MTERF4: variants seen among roughly 807,000 people sequenced by gnomAD.
MTERF4 encodes mitochondrial transcription termination factor 4, also known as transcription termination factor 4, mitochondrial.
A neutral mutation model predicts 22.5 loss-of-function variants in MTERF4; 17 were observed. The ratio of observed to expected loss-of-function variants is 0.75; its 90% CI spans 0.52 to 1.13. The LOEUF (loss-of-function observed/expected upper bound fraction) is 1.13, where lower values mean the gene tolerates loss of function less well. Ranked by LOEUF, MTERF4 falls within the 50% of genes most tolerant of loss-of-function variation. The pLI is 0.00. For missense variants in MTERF4, 420 were observed against 466.8 expected (o/e 0.90, Z 0.92); for synonymous variants, 165 against 175.3 (o/e 0.94, Z 0.47).
At chr2:241,094,311 C>G (rs568652244), downstream of MTERF4, 123 of 470,100 alleles carry the variant, frequency 2.6e-4, no homozygotes, top group Admixed American at 7.0e-4. The surrounding 1 kb of genome is among the most constrained non-coding windows in gnomAD (Gnocchi z 4.3). Flanking sequence ...ACTCCTTCCA[C>G]TGGCAAAGGA....
At chr2:241,064,651 G>T in the MTERF4 span, among the ~76,000 whole-genome samples, 5 of 152,212 alleles carry the variant, frequency 3.3e-5, no homozygotes, top group Non-Finnish European at 7.3e-5. This position sits in a 1 kb window ranked among gnomAD's most constrained non-coding sequence, Gnocchi z 7.0. Flanking sequence ...GCTGTGGAGG[G>T]TGGAGGAGCT....
At chr2:241,057,380 AATATATATATATAT>A in the MTERF4 span, among the ~76,000 whole-genome samples, 9 of 118,114 alleles carry the variant, frequency 7.6e-5, no homozygotes, top group East Asian at 2.9e-4. Context: ...TCCATCTCAA[AATATATATATATAT>A]ATATATATAT....
chr2:241,066,350 A>C, the MTERF4 span, among the ~76,000 whole-genome samples: 1 of 152,186 alleles, frequency 6.6e-6, no homozygotes, highest in Non-Finnish European at 1.5e-5. Flanking sequence ...GGAAGGAGAA[A>C]GGAGCCCTAG....
At chr2:241,083,955 C>T (rs543360512), downstream of MTERF4, among the ~76,000 whole-genome samples, 65 of 141,212 alleles carry the variant, frequency 4.6e-4, no homozygotes, top group Admixed American at 4.1e-3. Context: ...TTCTTTTTTC[C>T]TGCCTAATTT....
intron 4 of MTERF4, chr2:241,081,592 C>A: frequency 2.0e-6 from 2 of 1,018,844 alleles, no homozygotes; most frequent in South Asian, 1.4e-5. Context: ...TGCATCAGGT[C>A]ATCAAGGAAG....
At chr2:241,062,891 C>G in the MTERF4 span, 1 of 1,601,598 alleles carries the variant, frequency 6.2e-7, no homozygotes, top group Non-Finnish European at 8.5e-7. Flanking sequence ...ATGAGGGCGC[C>G]CACTGTGAGC....
intron 2 of MTERF4, 86 bp from the exon 3 acceptor site, chr2:241,097,513 A>G (rs2064509428): frequency 7.7e-7 from 1 of 1,301,736 alleles, no homozygotes; most frequent in Non-Finnish European, 1.1e-6. Flanking sequence ...TTAAGTCCAC[A>G]TTTAAAAACA....
chr2:241,102,202 TGCCCGCCCGCCTGCGACCCGGAGAA>T, intron 1 of MTERF4, 26 bp downstream of exon 1: 1 of 1,547,558 alleles, frequency 6.5e-7, no homozygotes, highest in Non-Finnish European at 8.7e-7. Context: ...TCTGCGTCGC[TGCCCGCCCGCCTGCGACCCGGAGAA>T]GCCCGCGCGC....
the MTERF4 span, chr2:241,064,186 G>A: frequency 9.8e-5 from 114 of 1,166,264 alleles, no homozygotes; most frequent in African/African-American, 1.4e-3. This position sits in a 1 kb window ranked among gnomAD's most constrained non-coding sequence, Gnocchi z 7.0. Context: ...CCCTCTGCCC[G>A]CCTGCTGCCC....
At position 241,102,254 on chromosome 2, in the gene MTERF4, T is replaced by G; in HGVS notation, c.20A>C (p.Gln7Pro). The change falls in exon 1 of 4, where the codon CAG (glutamine) becomes CCG (proline). Residue 7 changes from glutamine to proline, a missense_variant and splice_region_variant. By Grantham distance (76) the Gln-to-Pro change is moderately conservative. Coordinates refer to ENST00000391980, the MANE Select transcript of MTERF4 (RefSeq NM_182501.4). MAAFGR[Q>P]VLDWHRLIPL... ...CCCGCGCGCCCAGCTCGAGCTTACC[T>G]GACGGCCGAACGCAGCCATAGCGCG... 6.5e-7 allele frequency: 1 copy of G among 1,549,394 alleles called. No homozygotes were observed. Among genetic ancestry groups the G allele is most frequent in the Non-Finnish European group, 8.7e-7 (1 of 1,146,096 alleles).
chr2:241,086,551 G>A (rs889221675), downstream of MTERF4, among the ~76,000 whole-genome samples: 6 of 152,150 alleles, frequency 3.9e-5, no homozygotes, highest in African/African-American at 9.7e-5. Context: ...TTACAGTCTC[G>A]TGTTGTCTGT....
At position 241,076,776 on chromosome 2, in the gene MTERF4, G is replaced by A. The variant is rs558986237; in HGVS notation, n.480-1094C>T. 4.0e-5 allele frequency among the ~76,000 whole-genome samples: 6 copies of A among 151,498 alleles called. No individual in the cohort carries two copies. In the South Asian group the frequency reaches 6.3e-4, roughly 16 times the overall value. On this transcript the variant is annotated intron_variant and non_coding_transcript_variant, in intron 4 of 4. Coordinates refer to the MTERF4 transcript ENST00000464344. ...TCCAGGGCCGGGCGCGGGGGCTCACGCCTGTAATCCGTGGAAAAGAACTGA... is the reference window on the plus strand; with the variant it reads ...TCCAGGGCCGGGCGCGGGGGCTCACACCTGTAATCCGTGGAAAAGAACTGA...
chr2:241,073,231 G>C lies in MTERF4; in HGVS notation n.2931C>G. 6.7e-7 allele frequency: 1 copy of C among 1,496,120 alleles called. No homozygotes were observed. The highest frequency in any genetic ancestry group is 1.4e-5 in the African/African-American group (1 of 72,024). The allele number at this position is 1,496,120 out of a possible 1,614,324, so 92.7% of individuals were successfully genotyped here. ...CCAGGACCATCCCGGGTGCAAAGCA[G>C]CTGCGCCGTGTGGTCACCGCCTGGC... is the stretch of plus-strand genomic sequence containing the variant. On this transcript the variant is annotated non_coding_transcript_exon_variant, in exon 5 of 5. Coordinates refer to the MTERF4 transcript ENST00000464344. The surrounding 1 kb of genome is among the most constrained non-coding windows in gnomAD (Gnocchi z 6.6).
At chr2:241,057,804 C>CA in the MTERF4 span, among the ~76,000 whole-genome samples, 4 of 151,064 alleles carry the variant, frequency 2.6e-5, no homozygotes, top group East Asian at 1.9e-4. Flanking sequence ...AGAGGCTTAG[C>CA]AAAAAAAAGT....
downstream of MTERF4, chr2:241,089,044 T>C: frequency 2.6e-6 from 1 of 382,642 alleles, no homozygotes; most frequent in Non-Finnish European, 4.7e-6. Context: ...CAAACTCTTT[T>C]GGCAACCAAA....
chr2:241,083,588 A>G (rs2063434365), downstream of MTERF4, among the ~76,000 whole-genome samples: 1 of 152,186 alleles, frequency 6.6e-6, no homozygotes, highest in Non-Finnish European at 1.5e-5. Context: ...AGCCGTGTTG[A>G]CAGCCCACTG....
At chr2:241,097,081 T>G (rs1036857180) in intron 3 of MTERF4, 162 bp downstream of exon 3, 115 of 757,474 alleles carry the variant, frequency 1.5e-4, no homozygotes, top group Non-Finnish European at 2.2e-4. Context: ...GTCCGAGGCT[T>G]CTTATCCATA....
At chr2:241,070,348 A>G, downstream of MTERF4, 1 of 892,448 alleles carries the variant, frequency 1.1e-6, no homozygotes, top group Non-Finnish European at 1.7e-6. Flanking sequence ...GAGTCTGTGT[A>G]TGAAAGTGGA....
downstream of MTERF4, chr2:241,067,770 G>A (rs370559891): frequency 2.1e-5 from 33 of 1,606,248 alleles, no homozygotes; most frequent in Admixed American, 8.4e-5. Flanking sequence ...CTAGGACCCC[G>A]CCCTGTGGAA....
Sources: allele counts gnomAD v4.1 joint callset (sites outside exome capture counted in the v4.1 genomes callset), GRCh38; gene constraint gnomAD v4.1.1; non-coding constraint Gnocchi (gnomAD v3.1); transcripts MANE v1.5; gene names NCBI Gene and HGNC (gene_info 2026-07-23, HGNC 2026-07-21).